Variants in CDK19 observed in about 807,000 individuals in gnomAD.
The protein encoded by CDK19 is cyclin-dependent kinase 19.
In CDK19, 20 loss-of-function variants were observed where a neutral mutation model predicts 68.3. The ratio of observed to expected loss-of-function variants is 0.29; its 90% CI spans 0.21 to 0.43. The LOEUF is 0.43. CDK19 is among the 20% of genes least tolerant of loss of function. The probability of loss-of-function intolerance (pLI) is 1.00; values close to 1 mark genes in which losing one functional copy is unlikely to be tolerated. For missense variants in CDK19, 339 were observed against 623.5 expected (o/e 0.54, Z 4.86); for synonymous variants, 221 against 222.8 (o/e 0.99, Z 0.07).
At chr6:110,811,231 C>T (rs750022032) in intron 1 of CDK19, among the ~76,000 whole-genome samples, 2 of 152,110 alleles carry the variant, frequency 1.3e-5, no homozygotes, top group African/African-American at 2.4e-5. Flanking sequence ...AACTACAAAC[C>T]GATTGTGAAA....
rs1297296367 is a variant in CDK19, at chr6:110,670,516, T to G, written c.230A>C (p.Asn77Thr). 6.2e-7 allele frequency: 1 copy of G among 1,611,772 alleles called. No homozygotes were observed. Among genetic ancestry groups the G allele is most frequent in the Non-Finnish European group, 8.5e-7 (1 of 1,178,036 alleles). The change falls in exon 3 of 13, where the codon AAT (asparagine) becomes ACT (threonine). Residue 77 changes from asparagine (N) to threonine (T), a missense_variant. Physicochemically the swap from Asn to Thr is moderately conservative, Grantham distance 65. Coordinates refer to ENST00000368911, the MANE Select transcript of CDK19 (RefSeq NM_015076.5). ...GAACACCTTCTGCAATGCAATCACATTAGGGTGCTTCAATTCTCGCAAAAG... is the reference window on the plus strand; with the variant it reads ...GAACACCTTCTGCAATGCAATCACAGTAGGGTGCTTCAATTCTCGCAAAAG... Reference protein sequence around the residue: ...IALLRELKHPNVIALQKVFLS... With the variant: ...IALLRELKHPTVIALQKVFLS...
At chr6:110,663,970 C>G (rs537787228) in intron 4 of CDK19, among the ~76,000 whole-genome samples, 1 of 152,094 alleles carries the variant, frequency 6.6e-6, no homozygotes, top group African/African-American at 2.4e-5. Context: ...GTGTTCATGC[C>G]ATTGATGAGG....
At chr6:110,780,451 T>C (rs1780727920) in intron 1 of CDK19, among the ~76,000 whole-genome samples, 1 of 151,226 alleles carries the variant, frequency 6.6e-6, no homozygotes, top group Non-Finnish European at 1.5e-5. Flanking sequence ...CAAAATCTTC[T>C]ATCAAGGTAT....
chr6:110,673,073 T>A (rs1486597613), intron 2 of CDK19, among the ~76,000 whole-genome samples: 1 of 152,168 alleles, frequency 6.6e-6, no homozygotes, highest in East Asian at 1.9e-4. Flanking sequence ...AATGAAAATC[T>A]ATACCATTAA....
chr6:110,642,503 GAGAAA>G (rs1780270253), intron 4 of CDK19, among the ~76,000 whole-genome samples: 1 of 152,030 alleles, frequency 6.6e-6, no homozygotes. Flanking sequence ...CTAGTGAGAA[GAGAAA>G]GGCAATAAAT....
intron 1 of CDK19, among the ~76,000 whole-genome samples, chr6:110,799,279 G>T (rs527570547): frequency 6.6e-6 from 1 of 151,014 alleles, no homozygotes; most frequent in South Asian, 2.1e-4. Flanking sequence ...AGAAAAGGCA[G>T]AATAAATTAT....
At chr6:110,681,166 T>C (rs1287433743) in intron 2 of CDK19, among the ~76,000 whole-genome samples, 2 of 151,900 alleles carry the variant, frequency 1.3e-5, no homozygotes, top group East Asian at 3.9e-4. Flanking sequence ...GCCAACACGA[T>C]GAAACCCCGT....
chr6:110,716,659 A>G (rs896326083), intron 2 of CDK19, among the ~76,000 whole-genome samples: 6 of 152,190 alleles, frequency 3.9e-5, no homozygotes, highest in Admixed American at 1.3e-4. Context: ...CAAGTTAAAC[A>G]TGAAACAGTG....
intron 4 of CDK19, among the ~76,000 whole-genome samples, chr6:110,664,508 T>C (rs571602045): frequency 6.6e-6 from 1 of 152,340 alleles, no homozygotes; most frequent in Admixed American, 6.5e-5. Context: ...CCCATCCCTC[T>C]GTGCTTTACA....
intron 12 of CDK19, among the ~76,000 whole-genome samples, chr6:110,615,892 A>G (rs1778281830): frequency 6.6e-6 from 1 of 152,108 alleles, no homozygotes; most frequent in Admixed American, 6.5e-5. Context: ...AGACTTTTGC[A>G]TTTCGGATGA....
intron 1 of CDK19, among the ~76,000 whole-genome samples, chr6:110,757,345 T>C (rs905493515): frequency 2.0e-5 from 3 of 152,064 alleles, no homozygotes; most frequent in Non-Finnish European, 4.4e-5. Flanking sequence ...GCTAAGAAAA[T>C]TGGGTTGACT....
At chr6:110,673,964 G>C (rs898559216) in intron 2 of CDK19, among the ~76,000 whole-genome samples, 1 of 152,102 alleles carries the variant, frequency 6.6e-6, no homozygotes, top group Non-Finnish European at 1.5e-5. Context: ...TTTTTCCCAA[G>C]TAGAAGGTTT....
At chr6:110,623,128 G>C (rs1778818589) in intron 9 of CDK19, among the ~76,000 whole-genome samples, 162 bp downstream of exon 9, 1 of 152,164 alleles carries the variant, frequency 6.6e-6, no homozygotes, top group African/African-American at 2.4e-5. Context: ...ATCATTTAAA[G>C]TGAAGGCTGA....
intron 1 of CDK19, among the ~76,000 whole-genome samples, chr6:110,787,411 T>A (rs1781299798): frequency 6.6e-6 from 1 of 151,868 alleles, no homozygotes; most frequent in East Asian, 1.9e-4. Context: ...CAGGCAGATA[T>A]CCTTTCTCCT....
chr6:110,627,163 T>C lies in CDK19; in HGVS notation c.647-18A>G. 1.3e-6 allele frequency: 2 copies of C among 1,579,844 alleles called. No individual in the cohort carries two copies. The highest frequency in any genetic ancestry group is 1.1e-5 in the South Asian group (1 of 87,806). On this transcript the variant is annotated intron_variant, in intron 6 of 12. Coordinates refer to ENST00000368911, the MANE Select transcript of CDK19 (RefSeq NM_015076.5). ...CCATATATCTGGGAAGGAAGAAACA[T>C]AAGTTTTTGTATATATTTCCTTGGT... is the stretch of plus-strand genomic sequence containing the variant.
At chr6:110,624,221 G>A (rs1208417081) in intron 8 of CDK19, among the ~76,000 whole-genome samples, 1 of 152,000 alleles carries the variant, frequency 6.6e-6, no homozygotes, top group Non-Finnish European at 1.5e-5. Context: ...AACACTCAGA[G>A]TCTACCCTCT....
intron 1 of CDK19, among the ~76,000 whole-genome samples, chr6:110,787,439 T>C (rs1781304293): frequency 6.6e-6 from 1 of 152,042 alleles, no homozygotes; most frequent in South Asian, 2.1e-4. Flanking sequence ...TTTTTTGTTT[T>C]GTTTTGTTTT....
chr6:110,633,347 T>C (rs1779566843), intron 5 of CDK19, among the ~76,000 whole-genome samples: 3 of 152,202 alleles, frequency 2.0e-5, no homozygotes, highest in Non-Finnish European at 2.9e-5. Flanking sequence ...CTGACATATA[T>C]ATATCTTTTC....
intron 1 of CDK19, among the ~76,000 whole-genome samples, chr6:110,771,291 T>C (rs1230738338): frequency 6.6e-6 from 1 of 152,210 alleles, no homozygotes; most frequent in African/African-American, 2.4e-5. Flanking sequence ...GAAATCTAGA[T>C]GGAGGTTCCC....
Sources: allele counts gnomAD v4.1 joint callset (sites outside exome capture counted in the v4.1 genomes callset), GRCh38; gene constraint gnomAD v4.1.1; transcripts MANE v1.5; gene names NCBI Gene and HGNC (gene_info 2026-07-23, HGNC 2026-07-21).